Variants in SCAPER observed in about 807,000 individuals in gnomAD.
SCAPER encodes S phase cyclin A-associated protein in the endoplasmic reticulum.
A neutral mutation model predicts 182.2 loss-of-function variants in SCAPER; 98 were observed. The ratio of observed to expected loss-of-function variants is 0.54; its 90% CI spans 0.46 to 0.64. SCAPER has a LOEUF of 0.64. Among genes scored for constraint, SCAPER ranks in the 30% least tolerant of loss-of-function variants. The pLI, the probability that SCAPER is intolerant of heterozygous loss-of-function variation, is 0.00. For synonymous variants in SCAPER, 605 were observed against 564.6 expected (o/e 1.07, Z -1.01); for missense variants, 1,432 against 1,690.0 (o/e 0.85, Z 2.68).
intron 11 of SCAPER, among the ~76,000 whole-genome samples, chr15:76,766,657 G>A (rs1475784617): frequency 6.6e-6 from 1 of 151,954 alleles, no homozygotes; most frequent in Non-Finnish European, 1.5e-5. Flanking sequence ...TTTCTTGACT[G>A]GTAAAATAAC....
chr15:76,722,078 C>G (rs1279159388), intron 17 of SCAPER, among the ~76,000 whole-genome samples: 2 of 152,074 alleles, frequency 1.3e-5, no homozygotes, highest in African/African-American at 2.4e-5. Flanking sequence ...ATAGATAGCT[C>G]TTATTATTTT....
chr15:76,726,151 A>ATAT (rs1468826836), intron 17 of SCAPER, among the ~76,000 whole-genome samples: 1 of 132,006 alleles, frequency 7.6e-6, no homozygotes, highest in South Asian at 2.4e-4. Flanking sequence ...ATATATATAT[A>ATAT]TATAAAAAAC....
At chr15:76,621,187 C>A (rs1342787252) in intron 22 of SCAPER, among the ~76,000 whole-genome samples, 1 of 152,156 alleles carries the variant, frequency 6.6e-6, no homozygotes, top group East Asian at 1.9e-4. Flanking sequence ...GTACTTTTCT[C>A]ACTGCAGCTC....
intron 26 of SCAPER, among the ~76,000 whole-genome samples, chr15:76,432,654 C>T (rs959190756): frequency 6.6e-5 from 10 of 152,260 alleles, no homozygotes; most frequent in South Asian, 4.1e-4. Flanking sequence ...AAAAAATTAA[C>T]GAGGGTAAAT....
At chr15:76,494,512 G>A (rs1396086328) in intron 24 of SCAPER, among the ~76,000 whole-genome samples, 2 of 152,018 alleles carry the variant, frequency 1.3e-5, no homozygotes, top group Non-Finnish European at 2.9e-5. Flanking sequence ...CAGTCTTCCA[G>A]CAACTCACAG....
At chr15:76,761,862 C>T (rs189899440) in intron 14 of SCAPER, among the ~76,000 whole-genome samples, 1 of 152,248 alleles carries the variant, frequency 6.6e-6, no homozygotes, top group Admixed American at 6.5e-5. Flanking sequence ...GATATTCTAT[C>T]CATTATTGAG....
chr15:76,417,219 T>TTA (rs1567094077), intron 26 of SCAPER, among the ~76,000 whole-genome samples: 1 of 94,056 alleles, frequency 1.1e-5, no homozygotes, highest in African/African-American at 3.1e-5. Context: ...CTGTGTGTGT[T>TTA]AAAAAAACAA....
chr15:76,609,819 T>A (rs1406230733), intron 22 of SCAPER, among the ~76,000 whole-genome samples: 1 of 152,214 alleles, frequency 6.6e-6, no homozygotes, highest in African/African-American at 2.4e-5. Context: ...ATTCTATGAT[T>A]AGGTCTCACT....
intron 17 of SCAPER, among the ~76,000 whole-genome samples, chr15:76,708,589 C>T (rs1478419237): frequency 6.6e-6 from 1 of 151,822 alleles, no homozygotes; most frequent in Non-Finnish European, 1.5e-5. Context: ...TAATCAAACC[C>T]AAAGTAAGCA....
intron 4 of SCAPER, among the ~76,000 whole-genome samples, chr15:76,848,429 G>A (rs1484388866): frequency 6.7e-6 from 1 of 150,270 alleles, no homozygotes; most frequent in African/African-American, 2.5e-5. Context: ...TGCCTCCCAG[G>A]TTCACGCCAT....
In SCAPER at chr15:76,579,577, A is replaced by G. The variant is rs1029188885; in HGVS notation, c.2712-5293T>C. ...AAGCAAGAAATGAAAACACATTGCT[A>G]AAGAAAAATCACCTTCACTATGAGA... On this transcript the variant is annotated intron_variant, in intron 22 of 31. Transcript: ENST00000563290. Among the ~76,000 whole-genome samples the G allele has an allele frequency of 1.3e-5, 2 of 152,016 alleles. 1 individual carries two copies. Among genetic ancestry groups the G allele is most frequent in the East Asian group, 3.8e-4 (2 of 5,198 alleles).
chr15:76,506,317 C>T (rs2041578823), intron 23 of SCAPER, among the ~76,000 whole-genome samples: 1 of 151,934 alleles, frequency 6.6e-6, no homozygotes, highest in African/African-American at 2.4e-5. Context: ...ACCCCATTTA[C>T]TCAGATGTGA....
intron 5 of SCAPER, among the ~76,000 whole-genome samples, chr15:76,822,547 T>A (rs1233155047): frequency 6.6e-6 from 1 of 152,184 alleles, no homozygotes; most frequent in African/African-American, 2.4e-5. Context: ...AAGATAAATT[T>A]TAAATTGTCT....
chr15:76,713,455 A>G (rs1402100056), intron 17 of SCAPER, among the ~76,000 whole-genome samples: 2 of 152,084 alleles, frequency 1.3e-5, no homozygotes, highest in Non-Finnish European at 1.5e-5. Context: ...AGCCATAAAA[A>G]ATGATGAGTT....
intron 4 of SCAPER, among the ~76,000 whole-genome samples, chr15:76,854,808 A>C (rs1462937496): frequency 1.3e-5 from 2 of 149,858 alleles, no homozygotes; most frequent in Non-Finnish European, 1.5e-5. Flanking sequence ...AAATACAAAA[A>C]AAAAAAAAAA....
At chr15:76,388,993 G>GAC (rs961568860) in intron 27 of SCAPER, among the ~76,000 whole-genome samples, 2 of 151,770 alleles carry the variant, frequency 1.3e-5, no homozygotes, top group Non-Finnish European at 2.9e-5. Context: ...CTCTGTCACA[G>GAC]ACACACACAC....
In SCAPER at chr15:76,603,500, ATG is replaced by A. The variant is rs1006945194; in HGVS notation, c.2711+18262_2711+18263del. Among the ~76,000 whole-genome samples, 7 of 121,882 alleles carry A rather than the reference ATG, an allele frequency of 5.7e-5. 2 individuals carry two copies. The highest frequency in any genetic ancestry group is 1.9e-4 in the Admixed American group (2 of 10,710). The allele number at this position is 121,882 out of a possible 152,430, so 80.0% of individuals were successfully genotyped here. ...AGTGCTGCTATAAACATATGTGTGC[ATG>A]TGTCTTTACAGCAGCATGATTTATA... On this transcript the variant is annotated intron_variant, in intron 22 of 31. Coordinates refer to ENST00000563290, the MANE Select transcript of SCAPER (RefSeq NM_020843.4).
intron 20 of SCAPER, among the ~76,000 whole-genome samples, chr15:76,670,566 T>C (rs1391372890): frequency 1.3e-5 from 2 of 152,220 alleles, no homozygotes; most frequent in African/African-American, 4.8e-5. Context: ...GGGCCACAGA[T>C]TATACATATT....
At chr15:76,364,544 G>T (rs1424336657) in intron 29 of SCAPER, among the ~76,000 whole-genome samples, 2 of 152,190 alleles carry the variant, frequency 1.3e-5, no homozygotes, top group Non-Finnish European at 2.9e-5. Flanking sequence ...GGGAAACTGA[G>T]TGAGATGGCC....
Sources: allele counts gnomAD v4.1 joint callset (sites outside exome capture counted in the v4.1 genomes callset), GRCh38; gene constraint gnomAD v4.1.1; transcripts MANE v1.5; gene names NCBI Gene and HGNC (gene_info 2026-07-23, HGNC 2026-07-21).